TMTC4: variants seen among roughly 807,000 people sequenced by gnomAD.
TMTC4 encodes the protein protein O-mannosyl-transferase TMTC4.
TMTC4 carries 65 observed loss-of-function variants against 86.0 expected under a neutral mutation model. That is an observed-to-expected ratio of 0.76 (90% confidence interval 0.62 to 0.93). TMTC4 has a LOEUF of 0.93. TMTC4 is among the 40% of genes least tolerant of loss of function. The pLI is 0.00. For synonymous variants in TMTC4, 379 were observed against 382.5 expected, an observed-to-expected ratio of 0.99 and a Z score of 0.11; for missense variants, 866 against 948.1, an observed-to-expected ratio of 0.91 and a Z score of 1.14.
At chr13:100,633,381 G>C (rs1881728210) in intron 12 of TMTC4, among the ~76,000 whole-genome samples, 1 of 149,576 alleles carries the variant, frequency 6.7e-6, no homozygotes, top group Non-Finnish European at 1.5e-5. Context: ...GCCACCGTGT[G>C]AGGGCATTTT....
At chr13:100,621,505 A>C (rs1879464722) in intron 15 of TMTC4, among the ~76,000 whole-genome samples, 1 of 152,146 alleles carries the variant, frequency 6.6e-6, no homozygotes, top group African/African-American at 2.4e-5. Context: ...GGTTCACTGC[A>C]AGCTCCGCCT....
intron 3 of TMTC4, among the ~76,000 whole-genome samples, chr13:100,665,500 A>C (rs902155803): frequency 6.6e-6 from 1 of 152,226 alleles, no homozygotes; most frequent in Non-Finnish European, 1.5e-5. Context: ...TGGCAGGAGC[A>C]AAACCACAAA....
intron 3 of TMTC4, chr13:100,666,182 C>G (rs1243101148): frequency 2.6e-6 from 1 of 388,370 alleles, no homozygotes; most frequent in Non-Finnish European, 5.2e-6. Flanking sequence ...TTCCCCCTAA[C>G]TCCACTGTCT....
chr13:100,605,097 T>C lies in TMTC4; in HGVS notation c.2180A>G (p.His727Arg), dbSNP rs1437990212. The change falls in exon 19 of 19, where the codon CAC becomes CGC. Residue 727 changes from histidine to arginine, a missense_variant. By Grantham distance (29) the His-to-Arg change is conservative. Transcript: ENST00000342624. The surrounding 1 kb of genome is among the most constrained non-coding windows in gnomAD (Gnocchi z 4.3). ...GTCAAGCTGCAAGGAGATTTCATAG[T>C]GTTTCTTGGCCAAGTCTAGATGTCC... ...RWGHLDLAKK[H>R]YEISLQLDPT... 2 of 1,613,890 alleles carry C rather than the reference T, an allele frequency of 1.2e-6. No individual in the cohort carries two copies. Among genetic ancestry groups the C allele is most frequent in the African/African-American group, 1.3e-5 (1 of 75,012 alleles).
chr13:100,640,583 C>A (rs9557469), intron 7 of TMTC4, among the ~76,000 whole-genome samples: 5 of 151,714 alleles, frequency 3.3e-5, no homozygotes, highest in African/African-American at 1.2e-4. Context: ...CCAGGCGTGA[C>A]GGCTCATGCC....
rs1207992078 is a variant in TMTC4, at chr13:100,670,555, G to A, written c.-193C>T. ...CCAGTCAAAGGATAAACCACTTCTC[G>A]AATCTAAATTACAACTGCAAACACA... On this transcript the variant is annotated 5_prime_UTR_variant, in exon 2 of 19. Coordinates refer to ENST00000342624, the MANE Select transcript of TMTC4 (RefSeq NM_032813.5). 1.1e-5 allele frequency: 6 copies of A among 539,838 alleles called. No homozygotes were observed. The highest frequency in any genetic ancestry group is 3.9e-5 in the African/African-American group (2 of 50,852). 33.4% of individuals were successfully genotyped at this position (539,838 alleles called of 1,614,324 possible).
chr13:100,642,594 G>A (rs537462718), intron 6 of TMTC4, among the ~76,000 whole-genome samples: 64 of 152,180 alleles, frequency 4.2e-4, no homozygotes, highest in South Asian at 1.5e-3. Context: ...GAGTCCCCAC[G>A]CAGCAGGTAC....
chr13:100,627,774 G>A (rs954322675), intron 12 of TMTC4, among the ~76,000 whole-genome samples: 2 of 152,218 alleles, frequency 1.3e-5, no homozygotes, highest in Admixed American at 1.3e-4. Context: ...ACAGCAGGAA[G>A]CCAGGGGTGG....
chr13:100,667,025 G>A (rs1440159049), intron 3 of TMTC4, among the ~76,000 whole-genome samples: 2 of 152,050 alleles, frequency 1.3e-5, no homozygotes, highest in Admixed American at 1.3e-4. Context: ...GACATAAAAG[G>A]TCTGTAGAGT....
At chr13:100,623,546 T>A (rs1185686444) in intron 15 of TMTC4, among the ~76,000 whole-genome samples, 1 of 152,122 alleles carries the variant, frequency 6.6e-6, no homozygotes, top group Non-Finnish European at 1.5e-5. Context: ...TATTGTTATT[T>A]TAAAACAGAT....
chr13:100,670,444 C>A lies in TMTC4; in HGVS notation c.-82G>T. The A allele has an allele frequency of 6.7e-7, 1 of 1,484,124 alleles. No individual in the cohort carries two copies. The highest frequency in any genetic ancestry group is 1.9e-5 in the Admixed American group (1 of 51,668). The allele number at this position is 1,484,124 out of a possible 1,614,324, so 91.9% of individuals were successfully genotyped here. ...AGAGATGAAACAGGCCGCAACTCTT[C>A]CACTGCTTGTCTCTCGAGCCTCACA... is the stretch of plus-strand genomic sequence containing the variant. On this transcript the variant is annotated 5_prime_UTR_variant, in exon 2 of 19. Transcript: ENST00000342624.
intron 12 of TMTC4, among the ~76,000 whole-genome samples, chr13:100,632,937 C>A (rs1228994622): frequency 3.9e-5 from 6 of 152,118 alleles, no homozygotes. Context: ...ATTCTTCTAA[C>A]CTAACCCCTT....
chr13:100,670,148 C>G (rs1388919425), intron 2 of TMTC4: 2 of 519,184 alleles, frequency 3.9e-6, no homozygotes. Context: ...GACCTGGACC[C>G]TGTTCTTTTC....
intron 6 of TMTC4, among the ~76,000 whole-genome samples, chr13:100,646,098 G>A (rs1206813016): frequency 6.6e-6 from 1 of 152,160 alleles, no homozygotes; most frequent in African/African-American, 2.4e-5. Context: ...GCCCCACTGA[G>A]ATCTGATGAA....
Position 100,625,408 on chromosome 13 carries a change from G to A in TMTC4, c.1836+127C>T, listed in dbSNP as rs1323363884. 3.1e-6 allele frequency: 4 copies of A among 1,290,346 alleles called. No homozygotes were observed. In the African/African-American group the frequency reaches 5.9e-5, roughly 19 times the overall value. The allele number at this position is 1,290,346 out of a possible 1,614,324, so 79.9% of individuals were successfully genotyped here. Reference sequence around the variant, plus strand: ...GGAAATCAAATAGCTACCTTCAAATGAGATAGAAACATGTGAAAGAACTTT... The same window carrying A: ...GGAAATCAAATAGCTACCTTCAAATAAGATAGAAACATGTGAAAGAACTTT... On this transcript the variant is annotated intron_variant, in intron 15 of 18. Coordinates refer to ENST00000342624, the MANE Select transcript of TMTC4 (RefSeq NM_032813.5).
chr13:100,610,317 G>C (rs1307266920), intron 17 of TMTC4, among the ~76,000 whole-genome samples: 1 of 152,196 alleles, frequency 6.6e-6, no homozygotes, highest in Non-Finnish European at 1.5e-5. Context: ...ACTACATCCT[G>C]AAACAAGCAG....
At chr13:100,647,090 CAT>C (rs1883854080) in intron 6 of TMTC4, among the ~76,000 whole-genome samples, 1 of 152,216 alleles carries the variant, frequency 6.6e-6, no homozygotes, top group Non-Finnish European at 1.5e-5. Context: ...TCCGCCACGT[CAT>C]GAGAGATGGG....
intron 12 of TMTC4, among the ~76,000 whole-genome samples, chr13:100,630,328 T>A (rs1342688622): frequency 6.6e-6 from 1 of 152,110 alleles, no homozygotes; most frequent in Non-Finnish European, 1.5e-5. Flanking sequence ...AGATTTATGT[T>A]TACCCACTCT....
In TMTC4 at chr13:100,668,806, AC is replaced by A. The variant is rs745599997; in HGVS notation, c.4-13del. ...TGCTGGTTAGGAATCTGCAGGAAAA[AC>A]AACACTGTATAAATATTCATCAACA... On this transcript the variant is annotated splice_polypyrimidine_tract_variant and intron_variant, in intron 2 of 18. Transcript: ENST00000342624. 6.2e-7 allele frequency: 1 copy of A among 1,613,466 alleles called. No homozygotes were observed. Among genetic ancestry groups the A allele is most frequent in the African/African-American group, 1.3e-5 (1 of 74,920 alleles).
Sources: allele counts gnomAD v4.1 joint callset (sites outside exome capture counted in the v4.1 genomes callset), GRCh38; gene constraint gnomAD v4.1.1; non-coding constraint Gnocchi (gnomAD v3.1); transcripts MANE v1.5; gene names NCBI Gene and HGNC (gene_info 2026-07-23, HGNC 2026-07-21).